RAB7A: variants seen among roughly 807,000 people sequenced by gnomAD.
RAB7A encodes ras-related protein Rab-7a.
A neutral mutation model predicts 24.5 loss-of-function variants in RAB7A; 2 were observed. That is an observed-to-expected ratio of 0.08 (90% CI 0.03 to 0.26). The LOEUF is 0.26. Ranked by LOEUF, RAB7A falls within the 10% of genes least tolerant of loss-of-function variation. The pLI, the probability that RAB7A is intolerant of heterozygous loss-of-function variation, is 1.00. For synonymous variants in RAB7A, 100 were observed against 95.9 expected, an observed-to-expected ratio of 1.04 and a Z score of -0.25; for missense variants, 118 against 255.7, an observed-to-expected ratio of 0.46 and a Z score of 3.67.
chr3:128,761,885 A>C (rs764558103), intron 1 of RAB7A, among the ~76,000 whole-genome samples: 2 of 152,240 alleles, frequency 1.3e-5, no homozygotes, highest in African/African-American at 2.4e-5. Flanking sequence ...TATGCCTGCC[A>C]AACTGTGGCA....
At chr3:128,751,901 T>G (rs1218614432) in intron 1 of RAB7A, among the ~76,000 whole-genome samples, 1 of 152,200 alleles carries the variant, frequency 6.6e-6, no homozygotes, top group Non-Finnish European at 1.5e-5. Flanking sequence ...AGGGAATAAG[T>G]CTTACGAGAT....
intron 1 of RAB7A, among the ~76,000 whole-genome samples, chr3:128,773,269 C>T (rs1421149727): frequency 2.6e-5 from 4 of 151,590 alleles, no homozygotes; most frequent in African/African-American, 9.7e-5. Flanking sequence ...GTGAGGAGCC[C>T]CTCCACCCAG....
chr3:128,753,059 A>G (rs1476982376), intron 1 of RAB7A, among the ~76,000 whole-genome samples: 1 of 152,196 alleles, frequency 6.6e-6, no homozygotes, highest in Non-Finnish European at 1.5e-5. Flanking sequence ...GAGGATATCT[A>G]TTATTATAAT....
At chr3:128,747,169 G>A (rs2070626865) in intron 1 of RAB7A, among the ~76,000 whole-genome samples, 1 of 151,566 alleles carries the variant, frequency 6.6e-6, no homozygotes, top group Non-Finnish European at 1.5e-5. Flanking sequence ...GTGTATATCT[G>A]TAGCCCTAGC....
chr3:128,744,660 T>G (rs2070591203), intron 1 of RAB7A, among the ~76,000 whole-genome samples: 1 of 152,132 alleles, frequency 6.6e-6, no homozygotes, highest in African/African-American at 2.4e-5. Context: ...GAATTCCTTA[T>G]CCTATTGTGG....
chr3:128,763,293 C>G (rs1227297903), intron 1 of RAB7A, among the ~76,000 whole-genome samples: 2 of 145,204 alleles, frequency 1.4e-5, no homozygotes, highest in Non-Finnish European at 3.0e-5. Flanking sequence ...CAGCTCACTG[C>G]AAGCTCCGCC....
At chr3:128,774,078 TAAAAAAAAAAAAAA>T (rs146037243) in intron 1 of RAB7A, among the ~76,000 whole-genome samples, 1 of 111,090 alleles carries the variant, frequency 9.0e-6, no homozygotes, top group Non-Finnish European at 1.8e-5. Flanking sequence ...AATGATCAAT[TAAAAAAAAAAAAAA>T]AAAGAAAAAA....
At chr3:128,803,988 A>G (rs1933750184) in intron 3 of RAB7A, among the ~76,000 whole-genome samples, 1 of 152,196 alleles carries the variant, frequency 6.6e-6, no homozygotes, top group South Asian at 2.1e-4. Flanking sequence ...GATGTGGTCT[A>G]GAGAAAAAGA....
At chr3:128,796,812 G>A (rs1933587342) in intron 2 of RAB7A, among the ~76,000 whole-genome samples, 1 of 152,054 alleles carries the variant, frequency 6.6e-6, no homozygotes, top group Admixed American at 6.5e-5. Flanking sequence ...ACCAGTGTGT[G>A]CTACCACTCC....
intron 1 of RAB7A, among the ~76,000 whole-genome samples, chr3:128,730,760 A>G (rs766411671): frequency 1.3e-5 from 2 of 152,218 alleles, no homozygotes; most frequent in African/African-American, 2.4e-5. Flanking sequence ...ATGCTGACCT[A>G]CAGCATTGGC....
At chr3:128,774,824 G>A (rs1247925228) in intron 1 of RAB7A, among the ~76,000 whole-genome samples, 1 of 152,052 alleles carries the variant, frequency 6.6e-6, no homozygotes, top group Non-Finnish European at 1.5e-5. Flanking sequence ...CGCCCACCTC[G>A]GCCTCCCAAA....
At chr3:128,745,294 A>G (rs555419919) in intron 1 of RAB7A, among the ~76,000 whole-genome samples, 5 of 152,346 alleles carry the variant, frequency 3.3e-5, no homozygotes, top group African/African-American at 1.2e-4. Flanking sequence ...GCAAAATTAG[A>G]TGTGACCCAT....
intron 1 of RAB7A, among the ~76,000 whole-genome samples, chr3:128,769,261 A>G (rs757357459): frequency 1.3e-5 from 2 of 151,892 alleles, no homozygotes; most frequent in Non-Finnish European, 2.9e-5. Context: ...TCACATTCTT[A>G]CCAGCAGTGT....
intron 1 of RAB7A, among the ~76,000 whole-genome samples, chr3:128,782,280 G>A (rs535006352): frequency 1.3e-5 from 2 of 152,164 alleles, no homozygotes; most frequent in Non-Finnish European, 2.9e-5. Flanking sequence ...TGTAAATCTC[G>A]AATTCTCAGG....
intron 2 of RAB7A, among the ~76,000 whole-genome samples, chr3:128,797,705 A>G (rs1559795242): frequency 6.6e-6 from 1 of 152,254 alleles, no homozygotes; most frequent in Non-Finnish European, 1.5e-5. Context: ...GGCTGTGCCA[A>G]AACATGTAAG....
At chr3:128,730,390 C>T (rs780464817) in intron 1 of RAB7A, among the ~76,000 whole-genome samples, 50 of 152,114 alleles carry the variant, frequency 3.3e-4, no homozygotes, top group Non-Finnish European at 6.0e-4. Context: ...CCACCACGCC[C>T]GGCTAATTTT....
intron 1 of RAB7A, among the ~76,000 whole-genome samples, chr3:128,744,202 A>G (rs906525003): frequency 1.3e-5 from 2 of 152,138 alleles, no homozygotes; most frequent in African/African-American, 2.4e-5. Flanking sequence ...GCATTGAGTT[A>G]TGGTCACATC....
intron 3 of RAB7A, among the ~76,000 whole-genome samples, chr3:128,805,612 A>G (rs1178002371): frequency 6.6e-6 from 1 of 152,178 alleles, no homozygotes; most frequent in Non-Finnish European, 1.5e-5. Context: ...GTATAATACA[A>G]ATGAAATATA....
intron 1 of RAB7A, among the ~76,000 whole-genome samples, chr3:128,768,723 TA>T (rs1322400840): frequency 6.9e-6 from 1 of 145,198 alleles, no homozygotes; most frequent in African/African-American, 2.6e-5. Context: ...CACACCTGGC[TA>T]ATTTTTTTTT....
Sources: allele counts gnomAD v4.1 joint callset (sites outside exome capture counted in the v4.1 genomes callset), GRCh38; gene constraint gnomAD v4.1.1; transcripts MANE v1.5; gene names NCBI Gene and HGNC (gene_info 2026-07-23, HGNC 2026-07-21).